The following VTN variants were observed in gnomAD, a reference collection of about 807,000 sequenced individuals.
VTN encodes vitronectin, also known as complement S-protein.
A neutral mutation model predicts 55.9 loss-of-function variants in VTN; 45 were observed. The observed-to-expected ratio is 0.80, with a 90% CI of 0.63 to 1.03. VTN has a LOEUF of 1.03. Ranked by LOEUF, VTN falls within the 50% of genes least tolerant of loss-of-function variation. The probability of loss-of-function intolerance (pLI) is 0.00; values close to 1 mark genes in which losing one functional copy is unlikely to be tolerated. For missense variants in VTN, 589 were observed against 638.2 expected, an observed-to-expected ratio of 0.92 and a Z score of 0.83; for synonymous variants, 238 against 242.3, an observed-to-expected ratio of 0.98 and a Z score of 0.17.
rs782415207 is a variant in VTN at position 28,367,964 on chromosome 17, T to C, written c.1075A>G (p.Met359Val). ...TTGGCCAAGGAGGGGCGGGGTGCCA[T>C]GCCTGAGATGTAGATGCGGCCAGCC... is the stretch of plus-strand genomic sequence containing the variant. ...AMAGRIYISG[M>V]APRPSLAKKQ... The change falls in exon 7 of 8, where the codon ATG becomes GTG. Residue 359 changes from methionine to valine, a missense_variant. Met to Val is a conservative substitution (Grantham distance 21). Around this residue, in one of 3 missense-constraint regions of VTN, gnomAD observed 334 missense variants for 328.2 expected, o/e 1.02. Coordinates refer to ENST00000226218, the MANE Select transcript of VTN (RefSeq NM_000638.4). The C allele has an allele frequency of 5.6e-6, 9 of 1,598,926 alleles. No homozygotes were observed. The highest frequency in any genetic ancestry group is 7.7e-6 in the Non-Finnish European group (9 of 1,172,940).
intron 6 of VTN, among the ~76,000 whole-genome samples, 155 bp from the exon 7 acceptor site, chr17:28,368,214 C>A (rs1375853005): frequency 1.3e-5 from 2 of 152,052 alleles, no homozygotes; most frequent in Non-Finnish European, 2.9e-5. Flanking sequence ...TTCCCTTCCC[C>A]CTGTGCTTTC....
In VTN at chr17:28,367,888, C is replaced by T. The variant is rs149693220; in HGVS notation, c.1151G>A (p.Gly384Asp). The change falls in exon 7 of 8, where the codon GGC (glycine) becomes GAC (aspartate). Residue 384 changes from glycine (G) to aspartate (D), a missense_variant. Around this residue, in one of 3 missense-constraint regions of VTN, gnomAD observed 334 missense variants for 328.2 expected, o/e 1.02. Coordinates refer to ENST00000226218, the MANE Select transcript of VTN (RefSeq NM_000638.4). ...RNRKGYRSQRGHSRGRNQNSR... is the reference protein window; with the variant it reads ...RNRKGYRSQRDHSRGRNQNSR... ...GTTCTGGTTGCGGCCACGGCTGTGG[C>T]CTCGTTGTGAACGGTAGCCTTTGCG... 2 of 1,613,520 alleles carry T rather than the reference C, an allele frequency of 1.2e-6. No homozygotes were observed. Among genetic ancestry groups the T allele is most frequent in the African/African-American group, 1.3e-5 (1 of 74,924 alleles).
chr17:28,368,351 G>A (rs531818797), intron 6 of VTN, among the ~76,000 whole-genome samples, 170 bp downstream of exon 6: 1 of 152,124 alleles, frequency 6.6e-6, no homozygotes, highest in South Asian at 2.1e-4. Context: ...TGGGGTCCAG[G>A]TAGAGCTGAG....
chr17:28,369,668 G>A lies in VTN; in HGVS notation c.368C>T (p.Pro123Leu). 1.9e-6 allele frequency: 3 copies of A among 1,613,802 alleles called. No homozygotes were observed. The highest frequency in any genetic ancestry group is 2.5e-6 in the Non-Finnish European group (3 of 1,180,000). ...TPVLKPEEEA[P>L]APEVGASKPE... ...CTTAGAGGCGCCCACCTCAGGCGCA[G>A]GGGCCTCTTCCTCAGGTTTCAGAAC... Residue 123 changes from proline (P) to leucine (L), a missense_variant, in exon 3 of 8, where the codon CCT (proline) becomes CTT (leucine). Around this residue, in one of 3 missense-constraint regions of VTN, gnomAD observed 217 missense variants for 241.3 expected, o/e 0.90. Coordinates refer to ENST00000226218, the MANE Select transcript of VTN (RefSeq NM_000638.4). The surrounding 1 kb of genome is among the most constrained non-coding windows in gnomAD (Gnocchi z 5.3).
chr17:28,369,912 G>T lies in VTN; in HGVS notation c.184+15C>A. The T allele has an allele frequency of 6.2e-7, 1 of 1,613,206 alleles. No individual in the cohort carries two copies. The highest frequency in any genetic ancestry group is 1.1e-5 in the South Asian group (1 of 91,076). ...AGGGGGCACCCCAGCCCACCCACCT[G>T]GGCTCTGAACACACCTTGGGGCTTG... is the stretch of plus-strand genomic sequence containing the variant. On this transcript the variant is annotated intron_variant, in intron 2 of 7. Coordinates refer to ENST00000226218, the MANE Select transcript of VTN (RefSeq NM_000638.4). This position sits in a 1 kb window ranked among gnomAD's most constrained non-coding sequence, Gnocchi z 5.3.
chr17:28,367,813 T>C lies in VTN; in HGVS notation c.1226A>G (p.Glu409Gly). The change falls in exon 7 of 8, where the codon GAG becomes GGG. Residue 409 changes from glutamate to glycine, a missense_variant. Coordinates refer to ENST00000226218, the MANE Select transcript of VTN (RefSeq NM_000638.4). Reference protein sequence around the residue: ...ATWLSLFSSEESNLGANNYDD... With the variant: ...ATWLSLFSSEGSNLGANNYDD... ...ATAGTTGTTGGCTCCCAAGTTGCTC[T>C]CCTCACTGGAGAACAAGGACAGCCA... 2 of 1,614,204 alleles carry C rather than the reference T, an allele frequency of 1.2e-6. No homozygotes were observed. The highest frequency in any genetic ancestry group is 1.7e-5 in the Admixed American group (1 of 60,034).
rs142651994 is a variant in VTN, at chr17:28,368,528, T to A, written c.972A>T (p.Arg324Ser). Reference sequence around the variant, plus strand: ...CTTGCCCTCTCTCCATACCAGAGGTTCTGCCCCAGAAGAGAAGCTCGAAGA... The same window carrying A: ...CTTGCCCTCTCTCCATACCAGAGGTACTGCCCCAGAAGAGAAGCTCGAAGA... ...EDIFELLFWG[R>S]TSAGTRQPQF... The change falls in exon 6 of 8, where the codon AGA becomes AGT. Residue 324 changes from arginine (R) to serine (S), a missense_variant. Transcript: ENST00000226218. 2.9e-4 allele frequency: 469 copies of A among 1,613,928 alleles called. No homozygotes were observed. Among genetic ancestry groups the A allele is most frequent in the Non-Finnish European group, 3.8e-4 (448 of 1,180,002 alleles).
In VTN at chr17:28,369,146, C is replaced by G; in HGVS notation, c.670-118G>C. ...AGGTTCACTGCCCAGGACCTGGAGT[C>G]TTGGGGCTGCCCTGTGCTCACAGAG... On this transcript the variant is annotated intron_variant, in intron 4 of 7. Transcript: ENST00000226218. This position sits in a 1 kb window ranked among gnomAD's most constrained non-coding sequence, Gnocchi z 5.3. 1 of 1,504,158 alleles carries G rather than the reference C, an allele frequency of 6.6e-7. No homozygotes were observed. 93.2% of individuals were successfully genotyped at this position (1,504,158 alleles called of 1,614,324 possible). A position where few individuals can be genotyped will look rare whatever the true frequency, so the allele number is the denominator to read the frequency against.
chr17:28,369,657 C>T lies in VTN; in HGVS notation c.379G>A (p.Val127Met). The T allele has an allele frequency of 6.2e-7, 1 of 1,613,784 alleles. No homozygotes were observed. Among genetic ancestry groups the T allele is most frequent in the South Asian group, 1.1e-5 (1 of 91,088 alleles). The change falls in exon 3 of 8, where the codon GTG becomes ATG. Residue 127 changes from valine (V) to methionine (M), a missense_variant. Around this residue, in one of 3 missense-constraint regions of VTN, gnomAD observed 217 missense variants for 241.3 expected, o/e 0.90. Transcript: ENST00000226218. The surrounding 1 kb of genome is among the most constrained non-coding windows in gnomAD (Gnocchi z 5.3). ...KPEEEAPAPE[V>M]GASKPEGIDS... ...ATCCCCTCAGGCTTAGAGGCGCCCA[C>T]CTCAGGCGCAGGGGCCTCTTCCTCA...
rs2067914290 is a variant in VTN at position 28,367,460 on chromosome 17, A to C, written c.1346T>G (p.Leu449Arg). The C allele has an allele frequency of 1.2e-6, 2 of 1,613,860 alleles. No individual in the cohort carries two copies. The highest frequency in any genetic ancestry group is 4.5e-5 in the East Asian group (2 of 44,872). The change falls in exon 8 of 8, where the codon CTT becomes CGT. Residue 449 changes from leucine to arginine, a missense_variant. Physicochemically the swap from Leu to Arg is moderately radical, Grantham distance 102. Transcript: ENST00000226218. ...FSGDKYYRVN[L>R]RTRRVDTVDP... is the part of the protein sequence containing the mutation. ...CACAGTGTCCACTCGCCGTGTGCGA[A>C]GATTGACTCGGTAGTACTTGTCTGG...
At chr17:28,368,128 A>G in intron 6 of VTN, 69 bp from the exon 7 acceptor site, 1 of 1,355,286 alleles carries the variant, frequency 7.4e-7, no homozygotes, top group East Asian at 2.5e-5. Context: ...CGGGGCCATT[A>G]GAGTTCATCT....
In VTN at chr17:28,368,069, G is replaced by A. The variant is rs1555583331; in HGVS notation, c.980-10C>T. ...GGCTGTCTGGTACCAGCTGTGGCAG[G>A]GAAGGGGTGAATGAGAGGTCTTGGG... On this transcript the variant is annotated splice_polypyrimidine_tract_variant and intron_variant, in intron 6 of 7. Transcript: ENST00000226218. The A allele has an allele frequency of 1.5e-5, 23 of 1,563,034 alleles. No homozygotes were observed. Among genetic ancestry groups the A allele is most frequent in the Non-Finnish European group, 1.7e-5 (20 of 1,153,174 alleles).
At position 28,369,278 on chromosome 17, in the gene VTN, G is replaced by A. The variant is rs782239683; in HGVS notation, c.669+11C>T. 1.3e-6 allele frequency: 2 copies of A among 1,572,760 alleles called. No homozygotes were observed. The highest frequency in any genetic ancestry group is 1.8e-5 in the Admixed American group (1 of 55,264). On this transcript the variant is annotated intron_variant, in intron 4 of 7. Coordinates refer to ENST00000226218, the MANE Select transcript of VTN (RefSeq NM_000638.4). The surrounding 1 kb of genome is among the most constrained non-coding windows in gnomAD (Gnocchi z 5.3). ...TAGATGCTTTCTACCCTGGCCCACA[G>A]CCCCTGGCACCTTGAAGAGGTAGGT...
In VTN at chr17:28,369,364, A is replaced by G. The variant is rs782684517; in HGVS notation, c.594T>C (p.Asp198=). The change falls in exon 4 of 8, where the codon GAT becomes GAC. Residue 198 remains aspartate, a synonymous_variant. Coordinates refer to ENST00000226218, the MANE Select transcript of VTN (RefSeq NM_000638.4). This position sits in a 1 kb window ranked among gnomAD's most constrained non-coding sequence, Gnocchi z 5.3. Reference sequence around the variant, plus strand: ...CGATGGGGCCCTCGATGCCCCAGACATCTCGGATGAGCTTGGGGTACCCAG... The same window carrying G: ...CGATGGGGCCCTCGATGCCCCAGACGTCTCGGATGAGCTTGGGGTACCCAG... ...VRPGYPKLIR[D]VWGIEGPIDA... is the part of the protein sequence containing the mutation. 6.0e-5 allele frequency: 96 copies of G among 1,607,318 alleles called. 3 individuals carry two copies. The South Asian group carries it at 1.0e-3, about 17-fold the overall frequency.
rs782057864 is a variant in VTN, at chr17:28,368,571, C to G, written c.929G>C (p.Arg310Pro). The part of the protein sequence containing the change: ...AVFEHFAMMQ[R>P]DSWEDIFELL... The stretch of plus-strand genomic sequence containing the variant: ...CTCGAAGATGTCCTCCCAGCTGTCC[C>G]GCTGCATCATGGCAAAGTGTTCAAA... The change falls in exon 6 of 8, where the codon CGG becomes CCG. Residue 310 changes from arginine to proline, a missense_variant. Arg to Pro is a moderately radical substitution (Grantham distance 103). This residue lies in a region of VTN where 334 missense variants were observed against 328.2 expected (regional missense o/e 1.02). Transcript: ENST00000226218. 8 of 1,613,938 alleles carry G rather than the reference C, an allele frequency of 5.0e-6. No homozygotes were observed. The highest frequency in any genetic ancestry group is 5.9e-6 in the Non-Finnish European group (7 of 1,180,030).
Position 28,367,926 on chromosome 17 carries a change from A to G in VTN, c.1113T>C (p.Phe371=), listed in dbSNP as rs1273347091. ...GGTAGCCTTTGCGGTTGCGATGCCT[A>G]AACCTTTGTTTCTTGGCCAAGGAGG... ...PRPSLAKKQR[F]RHRNRKGYRS... is the part of the protein sequence containing the mutation. The change falls in exon 7 of 8, where the codon TTT becomes TTC. Residue 371 remains phenylalanine, a synonymous_variant. Transcript: ENST00000226218. 13 of 1,609,988 alleles carry G rather than the reference A, an allele frequency of 8.1e-6. No individual in the cohort carries two copies. In the African/African-American group the frequency reaches 9.3e-5, roughly 12 times the overall value.
In VTN at chr17:28,369,385, C is replaced by A. The variant is rs782175605; in HGVS notation, c.573G>T (p.Gly191=). The stretch of plus-strand genomic sequence containing the variant: ...AGACATCTCGGATGAGCTTGGGGTA[C>A]CCAGGCCTCACTGCCTTTTCGTCCA... ...YELDEKAVRP[G]YPKLIRDVWG... The change falls in exon 4 of 8, where the codon GGG becomes GGT. Residue 191 remains glycine (G), a synonymous_variant. Transcript: ENST00000226218. The surrounding 1 kb of genome is among the most constrained non-coding windows in gnomAD (Gnocchi z 5.3). 14 of 1,605,056 alleles carry A rather than the reference C, an allele frequency of 8.7e-6. No homozygotes were observed. The South Asian group carries it at 1.1e-4, about 13-fold the overall frequency.
At position 28,368,575 on chromosome 17, in the gene VTN, G is replaced by T; in HGVS notation, c.925C>A (p.Gln309Lys). 1 of 1,614,080 alleles carries T rather than the reference G, an allele frequency of 6.2e-7. No individual in the cohort carries two copies. The highest frequency in any genetic ancestry group is 8.5e-7 in the Non-Finnish European group (1 of 1,180,032). ...SAVFEHFAMM[Q>K]RDSWEDIFEL... ...AAGATGTCCTCCCAGCTGTCCCGCT[G>T]CATCATGGCAAAGTGTTCAAACACA... Residue 309 changes from glutamine (Q) to lysine (K), a missense_variant, in exon 6 of 8, where the codon CAG becomes AAG. By Grantham distance (53) the Gln-to-Lys change is moderately conservative. This residue lies in a region of VTN where 334 missense variants were observed against 328.2 expected (regional missense o/e 1.02). Transcript: ENST00000226218.
In VTN at chr17:28,367,445, A is replaced by G; in HGVS notation, c.1361T>C (p.Val454Ala). The change falls in exon 8 of 8, where the codon GTG (valine) becomes GCG (alanine). Residue 454 changes from valine (V) to alanine (A), a missense_variant. By Grantham distance (64) the Val-to-Ala change is moderately conservative. Around this residue, in one of 3 missense-constraint regions of VTN, gnomAD observed 334 missense variants for 328.2 expected, o/e 1.02. Coordinates refer to ENST00000226218, the MANE Select transcript of VTN (RefSeq NM_000638.4). ...TGGGTAGGGAGGGTCCACAGTGTCCACTCGCCGTGTGCGAAGATTGACTCG... is the reference window on the plus strand; with the variant it reads ...TGGGTAGGGAGGGTCCACAGTGTCCGCTCGCCGTGTGCGAAGATTGACTCG... ...YYRVNLRTRR[V>A]DTVDPPYPRS... The G allele has an allele frequency of 6.2e-7, 1 of 1,613,484 alleles. No individual in the cohort carries two copies. The highest frequency in any genetic ancestry group is 8.5e-7 in the Non-Finnish European group (1 of 1,179,848).
Sources: allele counts gnomAD v4.1 joint callset (sites outside exome capture counted in the v4.1 genomes callset), GRCh38; gene constraint gnomAD v4.1.1; regional missense constraint gnomAD v4.1.1; non-coding constraint Gnocchi (gnomAD v3.1); transcripts MANE v1.5; gene names NCBI Gene and HGNC (gene_info 2026-07-23, HGNC 2026-07-21).